RTTN: variants seen among roughly 807,000 people sequenced by gnomAD.
The protein encoded by RTTN is rotatin.
A neutral mutation model predicts 269.2 loss-of-function variants in RTTN; 182 were observed. That is an observed-to-expected ratio of 0.68 (90% CI 0.60 to 0.76). The LOEUF (loss-of-function observed/expected upper bound fraction) is 0.76. Ranked by LOEUF, RTTN falls within the 30% of genes least tolerant of loss-of-function variation. The pLI, the probability that RTTN is intolerant of heterozygous loss-of-function variation, is 0.00. For synonymous variants in RTTN, 1,006 were observed against 963.5 expected (o/e 1.04, Z -0.82); for missense variants, 2,545 against 2,608.6 (o/e 0.98, Z 0.53).
chr18:70,037,160 C>T (rs1168964997), intron 40 of RTTN, among the ~76,000 whole-genome samples: 2 of 152,196 alleles, frequency 1.3e-5, no homozygotes, highest in Non-Finnish European at 2.9e-5. Flanking sequence ...AAAGCCAGTG[C>T]TCTGGGGTCC....
chr18:70,098,692 G>A (rs1191010189), intron 28 of RTTN, among the ~76,000 whole-genome samples: 12 of 151,792 alleles, frequency 7.9e-5, no homozygotes, highest in Non-Finnish European at 1.2e-4. Context: ...TGTGCACAAC[G>A]TACAGGTTTG....
At chr18:70,163,086 A>AAC (rs1555766719) in intron 14 of RTTN, among the ~76,000 whole-genome samples, 1 of 146,456 alleles carries the variant, frequency 6.8e-6, no homozygotes, top group Non-Finnish European at 1.5e-5. Flanking sequence ...AAAAAAAAAA[A>AAC]AAAAAAAAAA....
Position 70,030,025 on chromosome 18 carries a change from G to A in RTTN, c.5732C>T (p.Ala1911Val), listed in dbSNP as rs1317264932. Reference protein sequence around the residue: ...NLDSLRPGKAALKKKEDGVIK... With the variant: ...NLDSLRPGKAVLKKKEDGVIK... ...CCAGAATGTTACCTTTTTTTTCAAT[G>A]CTGCTTTCCCAGGCCTCAGAGAATC... Residue 1911 changes from alanine to valine, a missense_variant, in exon 42 of 49, where the codon GCA becomes GTA. By Grantham distance (64) the Ala-to-Val change is moderately conservative. Coordinates refer to ENST00000640769, the MANE Select transcript of RTTN (RefSeq NM_173630.4). The A allele has an allele frequency of 6.2e-7, 1 of 1,607,834 alleles. No individual in the cohort carries two copies. Among genetic ancestry groups the A allele is most frequent in the Non-Finnish European group, 8.5e-7 (1 of 1,177,066 alleles).
At chr18:70,113,355 G>A (rs2059523416) in intron 27 of RTTN, among the ~76,000 whole-genome samples, 1 of 152,022 alleles carries the variant, frequency 6.6e-6, no homozygotes, top group Admixed American at 6.6e-5. Context: ...AATGATACCA[G>A]TCTACACCCA....
intron 40 of RTTN, among the ~76,000 whole-genome samples, chr18:70,035,812 A>C (rs1175044809): frequency 6.6e-6 from 1 of 152,198 alleles, no homozygotes; most frequent in East Asian, 1.9e-4. Flanking sequence ...ACTATGCATC[A>C]GACAAAGGTC....
intron 32 of RTTN, among the ~76,000 whole-genome samples, chr18:70,085,811 T>G (rs2058686252): frequency 1.3e-5 from 2 of 152,052 alleles, no homozygotes; most frequent in Non-Finnish European, 2.9e-5. Flanking sequence ...TAACAGACAC[T>G]GAGACTCCCA....
chr18:70,182,333 A>G (rs897977041), intron 10 of RTTN, among the ~76,000 whole-genome samples: 1 of 152,164 alleles, frequency 6.6e-6, no homozygotes, highest in Middle Eastern at 3.2e-3. Flanking sequence ...ACCTCTATTC[A>G]CAAGGATTTC....
At chr18:70,150,565 A>AGT in intron 15 of RTTN, 43 bp downstream of exon 15, 1 of 1,585,896 alleles carries the variant, frequency 6.3e-7, no homozygotes, top group Non-Finnish European at 8.6e-7. Flanking sequence ...TTAGCTGAGT[A>AGT]TCTAAGTTAC....
At chr18:70,133,519 G>C (rs552661246) in intron 23 of RTTN, among the ~76,000 whole-genome samples, 7 of 152,222 alleles carry the variant, frequency 4.6e-5, no homozygotes, top group Admixed American at 4.6e-4. Flanking sequence ...TAAAAGTGTT[G>C]TATATTCTTA....
chr18:70,139,907 A>G, intron 20 of RTTN, 191 bp from the exon 21 acceptor site: 1 of 620,480 alleles, frequency 1.6e-6, no homozygotes, highest in South Asian at 2.1e-5. Context: ...CACCTATCTT[A>G]TGGAAATTTT....
chr18:70,181,100 T>C (rs1397973742), intron 10 of RTTN, among the ~76,000 whole-genome samples: 1 of 152,192 alleles, frequency 6.6e-6, no homozygotes, highest in Non-Finnish European at 1.5e-5. Flanking sequence ...ACAAAGATCT[T>C]TAGTTTCTTT....
At chr18:70,030,146 C>A (rs1194771669) in intron 41 of RTTN, 37 bp from the exon 42 acceptor site, 2 of 1,411,698 alleles carry the variant, frequency 1.4e-6, no homozygotes, top group Non-Finnish European at 2.0e-6. Context: ...AAAGGATATT[C>A]TATTTCCAAG....
intron 40 of RTTN, among the ~76,000 whole-genome samples, chr18:70,043,639 G>A (rs1164769564): frequency 1.3e-5 from 2 of 152,186 alleles, no homozygotes; most frequent in African/African-American, 4.8e-5. Flanking sequence ...CCTACTTTTA[G>A]TAAAAACTTA....
chr18:70,036,518 G>C (rs2164241), intron 40 of RTTN, among the ~76,000 whole-genome samples: 118,671 of 152,130 alleles, frequency 0.78, 52,348 homozygotes, highest in East Asian at 1. Flanking sequence ...ACAAAGAGGG[G>C]AACAATAGAC....
intron 14 of RTTN, 72 bp from the exon 15 acceptor site, chr18:70,150,805 G>T: frequency 1.6e-6 from 2 of 1,235,792 alleles, no homozygotes; most frequent in South Asian, 1.5e-5. Flanking sequence ...TCTTTCTTCT[G>T]TTTACAATCC....
In RTTN at chr18:70,193,283, G is replaced by A; in HGVS notation, c.1007+5C>T. On this transcript the variant is annotated splice_donor_5th_base_variant and intron_variant, in intron 8 of 48. Transcript: ENST00000640769. ...CATTTCCCCAGAGACACTGCTAGCA[G>A]TCACCTAGAGGACGCTGCATCCCAG... The A allele has an allele frequency of 3.7e-6, 6 of 1,607,764 alleles. No individual in the cohort carries two copies. The highest frequency in any genetic ancestry group is 4.2e-6 in the Non-Finnish European group (5 of 1,177,034).
At position 70,121,652 on chromosome 18, in the gene RTTN, T is replaced by C; in HGVS notation, c.3432A>G (p.Ile1144Met). The change falls in exon 26 of 49, where the codon ATA becomes ATG. Residue 1144 changes from isoleucine to methionine, a missense_variant. By Grantham distance (10) the Ile-to-Met change is conservative. Coordinates refer to ENST00000640769, the MANE Select transcript of RTTN (RefSeq NM_173630.4). ...PACTEDEKLL[I>M]DIIHFLNKLI... Reference sequence around the variant, plus strand: ...ATTTATTTAAAAAATGTATGATATCTATTAGCAGTTTCTCATCTTCAGTGC... The same window carrying C: ...ATTTATTTAAAAAATGTATGATATCCATTAGCAGTTTCTCATCTTCAGTGC... 1 of 1,572,476 alleles carries C rather than the reference T, an allele frequency of 6.4e-7. No homozygotes were observed. Among genetic ancestry groups the C allele is most frequent in the Non-Finnish European group, 8.6e-7 (1 of 1,165,432 alleles).
intron 28 of RTTN, among the ~76,000 whole-genome samples, chr18:70,094,347 G>C (rs1347879974): frequency 6.6e-6 from 1 of 151,976 alleles, no homozygotes. Flanking sequence ...GCTAGCTTTT[G>C]AATTTGTTTG....
At chr18:70,047,619 A>C (rs1367620208) in intron 40 of RTTN, among the ~76,000 whole-genome samples, 1 of 152,244 alleles carries the variant, frequency 6.6e-6, no homozygotes, top group African/African-American at 2.4e-5. Flanking sequence ...AGAGACGTAG[A>C]TATATCTTTA....
Sources: gnomAD v4.1 joint callset for allele counts (sites outside exome capture counted in the v4.1 genomes callset) on GRCh38, gnomAD v4.1.1 for gene constraint, MANE v1.5 for transcripts, NCBI Gene and HGNC (gene_info 2026-07-23, HGNC 2026-07-21) for gene names.